MIPOL1: variants seen among roughly 807,000 people sequenced by gnomAD.
MIPOL1 encodes mirror-image polydactyly 1.
In MIPOL1, 57 loss-of-function variants were observed where a neutral mutation model predicts 60.9. The ratio of observed to expected loss-of-function variants is 0.94; its 90% CI spans 0.76 to 1.17. The LOEUF is 1.17. Among genes scored for constraint, MIPOL1 ranks in the 50% most tolerant of loss-of-function variants. The probability of loss-of-function intolerance (pLI) is 0.00; values close to 1 mark genes in which losing one functional copy is unlikely to be tolerated. For synonymous variants in MIPOL1, 179 were observed against 168.8 expected, an observed-to-expected ratio of 1.06 and a Z score of -0.47; for missense variants, 551 against 511.6, an observed-to-expected ratio of 1.08 and a Z score of -0.74.
chr14:37,378,792 A>G (rs533391405), intron 10 of MIPOL1, among the ~76,000 whole-genome samples: 7 of 152,176 alleles, frequency 4.6e-5, no homozygotes, highest in Admixed American at 1.3e-4. Flanking sequence ...TGACTTAAGA[A>G]GCAGAAAAGT....
chr14:37,490,632 A>C (rs2095034482), intron 11 of MIPOL1, among the ~76,000 whole-genome samples: 1 of 152,080 alleles, frequency 6.6e-6, no homozygotes, highest in African/African-American at 2.4e-5. Flanking sequence ...CTATGGGAAA[A>C]CCTCAGTATC....
intron 9 of MIPOL1, among the ~76,000 whole-genome samples, chr14:37,321,960 T>A (rs1228940055): frequency 6.6e-6 from 1 of 152,022 alleles, no homozygotes; most frequent in Non-Finnish European, 1.5e-5. Context: ...GGAAAATTTG[T>A]ATGAATTTTA....
intron 9 of MIPOL1, among the ~76,000 whole-genome samples, chr14:37,348,837 T>G (rs61575051): frequency 5.9e-4 from 43 of 73,126 alleles, no homozygotes; most frequent in East Asian, 2.3e-3. Context: ...TGTTTTTTTT[T>G]TTTTTTTTTG....
intron 12 of MIPOL1, among the ~76,000 whole-genome samples, chr14:37,535,516 G>C (rs755068076): frequency 1.3e-5 from 2 of 152,118 alleles, no homozygotes; most frequent in Non-Finnish European, 2.9e-5. Flanking sequence ...CTTTCTCACT[G>C]TTTTCCTATG....
intron 11 of MIPOL1, among the ~76,000 whole-genome samples, chr14:37,446,330 C>T (rs992480464): frequency 6.6e-5 from 10 of 151,986 alleles, no homozygotes; most frequent in African/African-American, 1.2e-4. Flanking sequence ...AAAATGCTCA[C>T]CATCACTGGC....
intron 1 of MIPOL1, among the ~76,000 whole-genome samples, chr14:37,215,394 T>G (rs2139390499): frequency 6.6e-6 from 1 of 152,164 alleles, no homozygotes; most frequent in South Asian, 2.1e-4. Context: ...TCTACAATCT[T>G]TTGTCTCCGC....
intron 1 of MIPOL1, among the ~76,000 whole-genome samples, chr14:37,211,210 C>T (rs1966835166): frequency 2.3e-5 from 3 of 131,772 alleles, no homozygotes; most frequent in Non-Finnish European, 4.6e-5. Context: ...CAGACAAGGA[C>T]ACCAAGTTAA....
intron 11 of MIPOL1, among the ~76,000 whole-genome samples, chr14:37,430,458 T>C (rs1464311872): frequency 6.6e-6 from 1 of 151,870 alleles, no homozygotes; most frequent in East Asian, 1.9e-4. Context: ...TATATATATT[T>C]ATTGGTGACT....
chr14:37,314,084 A>G (rs540043904), intron 9 of MIPOL1, among the ~76,000 whole-genome samples: 1 of 152,162 alleles, frequency 6.6e-6, no homozygotes, highest in Non-Finnish European at 1.5e-5. Context: ...TAAATTTATT[A>G]TCACTCTTTT....
chr14:37,453,818 C>A lies in MIPOL1; in HGVS notation c.1031+30869C>A, dbSNP rs534881805. ...TCAAAACCAATATTCTTTGCAGATGCATTCTTTTATTTATTGAAATTATCT... is the reference window on the plus strand; with the variant it reads ...TCAAAACCAATATTCTTTGCAGATGAATTCTTTTATTTATTGAAATTATCT... On this transcript the variant is annotated intron_variant, in intron 11 of 12. Coordinates refer to ENST00000684589, the MANE Select transcript of MIPOL1 (RefSeq NM_001388067.1). 5.3e-5 allele frequency among the ~76,000 whole-genome samples: 8 copies of A among 152,272 alleles called. No homozygotes were observed. The South Asian group carries it at 1.5e-3, about 28-fold the overall frequency.
At chr14:37,245,762 A>G (rs912547481) in intron 1 of MIPOL1, among the ~76,000 whole-genome samples, 2 of 152,140 alleles carry the variant, frequency 1.3e-5, no homozygotes, top group African/African-American at 2.4e-5. Context: ...CAGAAAGGCA[A>G]TGGGATGATA....
rs373708339 is a variant in MIPOL1, at chr14:37,207,161, T to C, written c.-199+9057T>C. Among the ~76,000 whole-genome samples the C allele has an allele frequency of 1.2e-4, 19 of 152,282 alleles. No homozygotes were observed. The East Asian group carries it at 3.3e-3, about 26-fold the overall frequency. On this transcript the variant is annotated intron_variant, in intron 1 of 12. Coordinates refer to ENST00000684589, the MANE Select transcript of MIPOL1 (RefSeq NM_001388067.1). ...AATTGTAGCTCCCGTAATTCCCTCATGTGGTGGAAGGGACCCAGTGGGAGA... is the reference window on the plus strand; with the variant it reads ...AATTGTAGCTCCCGTAATTCCCTCACGTGGTGGAAGGGACCCAGTGGGAGA...
At chr14:37,236,945 A>C (rs1480117997) in intron 1 of MIPOL1, among the ~76,000 whole-genome samples, 1 of 152,076 alleles carries the variant, frequency 6.6e-6, no homozygotes, top group African/African-American at 2.4e-5. Context: ...TGAAAGTTTA[A>C]GATCTCAGGT....
At position 37,542,206 on chromosome 14, in the gene MIPOL1, G is replaced by A. The variant is rs1051927511; in HGVS notation, c.1263-4699G>A. Reference sequence around the variant, plus strand: ...CTCTGATGATCACTCACTTCTTGGAGTTCTCATCTCTGGATTCTGTGACTG... The same window carrying A: ...CTCTGATGATCACTCACTTCTTGGAATTCTCATCTCTGGATTCTGTGACTG... On this transcript the variant is annotated intron_variant, in intron 12 of 12. Coordinates refer to ENST00000684589, the MANE Select transcript of MIPOL1 (RefSeq NM_001388067.1). 2.6e-5 allele frequency among the ~76,000 whole-genome samples: 4 copies of A among 152,114 alleles called. No individual in the cohort carries two copies. The East Asian group carries it at 7.7e-4, about 29-fold the overall frequency.
At chr14:37,236,426 T>C (rs1353835961) in intron 1 of MIPOL1, among the ~76,000 whole-genome samples, 1 of 152,052 alleles carries the variant, frequency 6.6e-6, no homozygotes, top group Non-Finnish European at 1.5e-5. Context: ...AGTGTGTTTC[T>C]TTTGAGGCTT....
At chr14:37,293,818 G>A (rs900172501) in intron 7 of MIPOL1, among the ~76,000 whole-genome samples, 15 of 152,194 alleles carry the variant, frequency 9.9e-5, no homozygotes, top group East Asian at 5.8e-4. Context: ...TGGGAAGCTC[G>A]AACTGGGTGG....
chr14:37,497,608 A>G (rs1044393929), intron 11 of MIPOL1, among the ~76,000 whole-genome samples: 1 of 152,346 alleles, frequency 6.6e-6, no homozygotes, highest in Middle Eastern at 3.4e-3. Flanking sequence ...CAGCAGGCTG[A>G]GGCAGGAGGA....
chr14:37,358,169 T>A (rs2091974942), intron 9 of MIPOL1, among the ~76,000 whole-genome samples: 1 of 152,218 alleles, frequency 6.6e-6, no homozygotes, highest in Non-Finnish European at 1.5e-5. Flanking sequence ...GGATATGAAC[T>A]CATCCTTTTT....
At chr14:37,258,909 AAG>A (rs1281549658) in intron 3 of MIPOL1, among the ~76,000 whole-genome samples, 126 of 152,260 alleles carry the variant, frequency 8.3e-4, no homozygotes, top group African/African-American at 2.9e-3. Flanking sequence ...TGAAAAAAAA[AAG>A]AATAAAATTT....
Sources: allele counts gnomAD v4.1 joint callset (sites outside exome capture counted in the v4.1 genomes callset), GRCh38; gene constraint gnomAD v4.1.1; transcripts MANE v1.5; gene names NCBI Gene and HGNC (gene_info 2026-07-23, HGNC 2026-07-21).